ATRN: variants seen among roughly 807,000 people sequenced by gnomAD.
ATRN encodes attractin-2.
Under a neutral mutation model 178.7 loss-of-function variants are expected in ATRN, and 54 were observed. That is an observed-to-expected ratio of 0.30 (90% CI 0.24 to 0.38). The LOEUF (loss-of-function observed/expected upper bound fraction) is 0.38. Ranked by LOEUF, ATRN falls within the 10% of genes least tolerant of loss-of-function variation. The probability of loss-of-function intolerance (pLI) is 1.00; values close to 1 mark genes in which losing one functional copy is unlikely to be tolerated. For missense variants in ATRN, 1,443 were observed against 1,815.1 expected (o/e 0.79, Z 3.73); for synonymous variants, 636 against 663.0 (o/e 0.96, Z 0.63).
intron 20 of ATRN, 36 bp from the exon 21 acceptor site, chr20:3,596,341 A>T: frequency 6.3e-7 from 1 of 1,579,282 alleles, no homozygotes; most frequent in Non-Finnish European, 8.7e-7. Context: ...TTTCTGTTTT[A>T]AATAGCAGTA....
chr20:3,567,206 C>T (rs2086048845), intron 11 of ATRN, among the ~76,000 whole-genome samples: 1 of 152,152 alleles, frequency 6.6e-6, no homozygotes, highest in South Asian at 2.1e-4. Context: ...TTGAGATTTT[C>T]ATCTGAAACG....
chr20:3,580,353 G>A (rs1416149620), intron 15 of ATRN, among the ~76,000 whole-genome samples: 2 of 152,156 alleles, frequency 1.3e-5, no homozygotes, highest in Admixed American at 6.5e-5. Context: ...AACTCTAAAC[G>A]TTTCTGGGTA....
At chr20:3,507,212 C>A (rs1181049973) in intron 1 of ATRN, among the ~76,000 whole-genome samples, 1 of 151,512 alleles carries the variant, frequency 6.6e-6, no homozygotes, top group Non-Finnish European at 1.5e-5. Context: ...CAAGATCAGC[C>A]TGGCCAAGAT....
intron 1 of ATRN, among the ~76,000 whole-genome samples, chr20:3,480,485 G>C (rs2084604076): frequency 6.6e-6 from 1 of 152,128 alleles, no homozygotes; most frequent in South Asian, 2.1e-4. Context: ...CTGAATCTCT[G>C]GATCAAAACT....
At chr20:3,619,597 A>T (rs1366469209) in intron 24 of ATRN, among the ~76,000 whole-genome samples, 1 of 152,258 alleles carries the variant, frequency 6.6e-6, no homozygotes, top group African/African-American at 2.4e-5. Flanking sequence ...AATCATTTTT[A>T]AAATGGAAAG....
At chr20:3,603,253 G>T (rs2086636189) in intron 23 of ATRN, among the ~76,000 whole-genome samples, 1 of 152,160 alleles carries the variant, frequency 6.6e-6, no homozygotes, top group Non-Finnish European at 1.5e-5. Flanking sequence ...CTGCTACAGT[G>T]GGTTAGGCAG....
At chr20:3,623,944 T>G (rs572760454) in intron 24 of ATRN, among the ~76,000 whole-genome samples, 3 of 152,364 alleles carry the variant, frequency 2.0e-5, no homozygotes, top group Non-Finnish European at 4.4e-5. Flanking sequence ...ATGTTGCATT[T>G]TTATATTCTT....
chr20:3,602,554 T>C (rs1252180280), intron 23 of ATRN, among the ~76,000 whole-genome samples: 1 of 152,164 alleles, frequency 6.6e-6, no homozygotes, highest in Non-Finnish European at 1.5e-5. Flanking sequence ...GTTTATCATC[T>C]TAAAACATTG....
rs531598728 is a variant in ATRN at position 3,598,111 on chromosome 20, G to A, written c.3564+111G>A. On this transcript the variant is annotated intron_variant, in intron 22 of 28. Transcript: ENST00000262919. ...CAGTGCTCTCCAGACTGGAGTACACGAGATGATCTCTAGAGGTATAGGAAA... is the reference window on the plus strand; with the variant it reads ...CAGTGCTCTCCAGACTGGAGTACACAAGATGATCTCTAGAGGTATAGGAAA... 1.3e-3 allele frequency: 935 copies of A among 692,818 alleles called. 7 individuals are homozygous for A. The highest frequency in any genetic ancestry group is 4.6e-3 in the South Asian group (260 of 56,636). The allele number at this position is 692,818 out of a possible 1,614,324, so 42.9% of individuals were successfully genotyped here.
chr20:3,628,955 C>T (rs961294802), intron 25 of ATRN: 37 of 985,178 alleles, frequency 3.8e-5, no homozygotes, highest in African/African-American at 5.2e-5. Flanking sequence ...TCTGCCTTCC[C>T]CATCTGCAGC....
chr20:3,532,433 G>C (rs569364737), intron 1 of ATRN, among the ~76,000 whole-genome samples: 1 of 152,246 alleles, frequency 6.6e-6, no homozygotes, highest in East Asian at 1.9e-4. Flanking sequence ...TGTCATTCTT[G>C]GTGTTGGCTT....
chr20:3,644,344 A>G, intron 28 of ATRN, 76 bp downstream of exon 28: 2 of 1,265,046 alleles, frequency 1.6e-6, no homozygotes, highest in Non-Finnish European at 2.3e-6. Context: ...TCCCTTTCCT[A>G]GAGAACAAGG....
chr20:3,512,085 T>TTATATATATA (rs1212714416), intron 1 of ATRN, among the ~76,000 whole-genome samples: 1 of 119,788 alleles, frequency 8.3e-6, no homozygotes, highest in African/African-American at 3.6e-5. Context: ...CTTTTTTCTT[T>TTATATATATA]TATATATATA....
chr20:3,510,213 TCCAGTC>T (rs970205269), intron 1 of ATRN, among the ~76,000 whole-genome samples: 1 of 152,234 alleles, frequency 6.6e-6, no homozygotes, highest in African/African-American at 2.4e-5. Context: ...CAGTACAGGA[TCCAGTC>T]TAGGGTTAGG....
chr20:3,513,444 C>T (rs2085163937), intron 1 of ATRN, among the ~76,000 whole-genome samples: 1 of 152,270 alleles, frequency 6.6e-6, no homozygotes, highest in East Asian at 1.9e-4. Context: ...TTTCTGAAGG[C>T]TCTGTTCTGT....
At chr20:3,608,090 G>A (rs1256120396) in intron 24 of ATRN, among the ~76,000 whole-genome samples, 1 of 152,006 alleles carries the variant, frequency 6.6e-6, no homozygotes, top group African/African-American at 2.4e-5. Context: ...TGTTTGAATT[G>A]CTGGTATATT....
At chr20:3,586,860 C>T (rs190791467) in intron 18 of ATRN, among the ~76,000 whole-genome samples, 1 of 152,322 alleles carries the variant, frequency 6.6e-6, no homozygotes, top group African/African-American at 2.4e-5. Flanking sequence ...CTCTCACCAA[C>T]ATCATATGAA....
intron 21 of ATRN, among the ~76,000 whole-genome samples, chr20:3,597,525 A>G (rs56891982): frequency 0.017 from 2,632 of 152,322 alleles, 82 homozygotes; most frequent in African/African-American, 0.059. Context: ...GACAGTGGTA[A>G]TCTCATGTCT....
At chr20:3,498,516 G>A (rs896405871) in intron 1 of ATRN, among the ~76,000 whole-genome samples, 1 of 151,842 alleles carries the variant, frequency 6.6e-6, no homozygotes, top group African/African-American at 2.4e-5. Context: ...TGGGATGCAA[G>A]GCTGGTTCAA....
Sources: gnomAD v4.1 joint callset for allele counts (sites outside exome capture counted in the v4.1 genomes callset) on GRCh38, gnomAD v4.1.1 for gene constraint, MANE v1.5 for transcripts, NCBI Gene and HGNC (gene_info 2026-07-23, HGNC 2026-07-21) for gene names.